ELAVL4: variants seen among roughly 807,000 people sequenced by gnomAD.
ELAVL4 encodes the protein ELAV like RNA binding protein 4, also known as ELAV-like protein 4.
In ELAVL4, 1 loss-of-function variant was observed where a neutral mutation model predicts 35.6. The ratio of observed to expected loss-of-function variants is 0.03; its 90% CI spans 0.01 to 0.13. The LOEUF (loss-of-function observed/expected upper bound fraction) is 0.13, where lower values mean the gene tolerates loss of function less well. Ranked by LOEUF, ELAVL4 falls within the 10% of genes least tolerant of loss-of-function variation. The pLI is 1.00. For missense variants in ELAVL4, 267 were observed against 464.9 expected (o/e 0.57, Z 3.91); for synonymous variants, 156 against 171.0 (o/e 0.91, Z 0.69).
At chr1:50,085,204 T>C (rs1286699880) in intron 1 of ELAVL4, among the ~76,000 whole-genome samples, 1 of 152,236 alleles carries the variant, frequency 6.6e-6, no homozygotes, top group African/African-American at 2.4e-5. Context: ...ACTTAAACCA[T>C]GCCTGCACAC....
At chr1:50,172,701 A>G (rs758694703) in intron 2 of ELAVL4, among the ~76,000 whole-genome samples, 2 of 152,226 alleles carry the variant, frequency 1.3e-5, no homozygotes, top group African/African-American at 2.4e-5. Flanking sequence ...GATCCAGACT[A>G]TGATCTAGCT....
chr1:50,129,140 G>C (rs1572303763), intron 1 of ELAVL4, among the ~76,000 whole-genome samples: 1 of 151,928 alleles, frequency 6.6e-6, no homozygotes, highest in Non-Finnish European at 1.5e-5. Context: ...GTTTTGTAAG[G>C]GCTTTGTAAG....
chr1:50,076,825 G>A (rs572766339), intron 1 of ELAVL4, among the ~76,000 whole-genome samples: 1 of 152,112 alleles, frequency 6.6e-6, no homozygotes, highest in Non-Finnish European at 1.5e-5. Context: ...TGCTTGATAA[G>A]CATTTATTGA....
intron 1 of ELAVL4, among the ~76,000 whole-genome samples, chr1:50,078,645 G>T (rs373242147): frequency 6.6e-6 from 1 of 152,134 alleles, no homozygotes; most frequent in African/African-American, 2.4e-5. Context: ...CATTCAGTTC[G>T]TCCTACTGTC....
At chr1:50,150,470 T>C (rs925615779) in intron 2 of ELAVL4, among the ~76,000 whole-genome samples, 1 of 152,188 alleles carries the variant, frequency 6.6e-6, no homozygotes, top group Non-Finnish European at 1.5e-5. Context: ...CTTGTGTTCT[T>C]TCTTGAATTT....
intron 1 of ELAVL4, chr1:50,109,845 G>A (rs966407558): frequency 3.3e-6 from 5 of 1,523,802 alleles, no homozygotes; most frequent in Non-Finnish European, 4.5e-6. Flanking sequence ...TTCCTTCTCT[G>A]GGCAGCAGCT....
In ELAVL4 at chr1:50,072,322, A is replaced by C. The variant is rs538230663; in HGVS notation, c.18+24140A>C. On this transcript the variant is annotated intron_variant, in intron 1 of 6. Coordinates refer to the ELAVL4 transcript ENST00000448907. ...CTTGTGAAGGAGACACTGTGGCCAA[A>C]AACTAGGAGCAAGAGAAACTGTAGG... Among the ~76,000 whole-genome samples, 6 of 152,324 alleles carry C rather than the reference A, an allele frequency of 3.9e-5. No individual in the cohort carries two copies. In the East Asian group the frequency reaches 9.7e-4, roughly 25 times the overall value.
chr1:50,069,861 A>G (rs1664432290), intron 1 of ELAVL4, among the ~76,000 whole-genome samples: 3 of 152,178 alleles, frequency 2.0e-5, no homozygotes, highest in African/African-American at 7.2e-5. Context: ...TGTGCTTACC[A>G]ACTCACAAGG....
At chr1:50,162,776 G>T (rs1356675046) in intron 2 of ELAVL4, among the ~76,000 whole-genome samples, 1 of 152,138 alleles carries the variant, frequency 6.6e-6, no homozygotes, top group African/African-American at 2.4e-5. Flanking sequence ...TAGAGACAGG[G>T]TTTTGCTATG....
chr1:50,058,289 G>A (rs1352933646), intron 1 of ELAVL4, among the ~76,000 whole-genome samples: 1 of 152,122 alleles, frequency 6.6e-6, no homozygotes, highest in African/African-American at 2.4e-5. Flanking sequence ...AACCAGTACT[G>A]TAAACACTGT....
chr1:50,178,032 G>A (rs1336007748), intron 3 of ELAVL4, among the ~76,000 whole-genome samples: 2 of 152,194 alleles, frequency 1.3e-5, no homozygotes, highest in Admixed American at 6.5e-5. Flanking sequence ...TGCCTTGGGG[G>A]ATTCCCTTGG....
At chr1:50,053,657 T>C (rs781010002) in intron 1 of ELAVL4, among the ~76,000 whole-genome samples, 10 of 152,172 alleles carry the variant, frequency 6.6e-5, no homozygotes, top group Non-Finnish European at 1.2e-4. Context: ...TCAGTGAATG[T>C]TTATTGAGTG....
chr1:50,147,575 G>T (rs992825499), intron 2 of ELAVL4, among the ~76,000 whole-genome samples: 1 of 152,162 alleles, frequency 6.6e-6, no homozygotes, highest in African/African-American at 2.4e-5. Context: ...CACAATGCAG[G>T]CTGGAAGAGG....
intron 1 of ELAVL4, among the ~76,000 whole-genome samples, chr1:50,117,148 G>T (rs923837447): frequency 2.6e-5 from 4 of 152,198 alleles, no homozygotes; most frequent in African/African-American, 4.8e-5. Context: ...GACTTTGGGG[G>T]AGGATAACTT....
chr1:50,118,124 G>A (rs1156280047), intron 1 of ELAVL4, among the ~76,000 whole-genome samples: 2 of 152,090 alleles, frequency 1.3e-5, no homozygotes, highest in African/African-American at 4.8e-5. Context: ...GAGCTTAATT[G>A]ATATGGTCCC....
intron 1 of ELAVL4, among the ~76,000 whole-genome samples, chr1:50,113,299 A>G (rs1667393315): frequency 6.6e-6 from 1 of 151,986 alleles, no homozygotes; most frequent in Non-Finnish European, 1.5e-5. Flanking sequence ...ATGTAGGCCA[A>G]ATACTATTTC....
At chr1:50,123,435 G>A (rs1669354952) in intron 1 of ELAVL4, among the ~76,000 whole-genome samples, 1 of 151,954 alleles carries the variant, frequency 6.6e-6, no homozygotes, top group African/African-American at 2.4e-5. Flanking sequence ...AAATACCTGT[G>A]ATCTACTCAG....
chr1:50,099,098 T>C (rs1214801794), upstream of ELAVL4, among the ~76,000 whole-genome samples: 2 of 152,218 alleles, frequency 1.3e-5, no homozygotes, highest in Non-Finnish European at 2.9e-5. Flanking sequence ...ACCAAATAAT[T>C]ATATCCTAAG....
chr1:50,103,853 C>G, upstream of ELAVL4: 1 of 1,537,998 alleles, frequency 6.5e-7, no homozygotes, highest in Non-Finnish European at 8.8e-7. Flanking sequence ...ACAGCCGGAA[C>G]AGGAGGAAAA....
Sources: allele counts gnomAD v4.1 joint callset (sites outside exome capture counted in the v4.1 genomes callset), GRCh38; gene constraint gnomAD v4.1.1; transcripts MANE v1.5; gene names NCBI Gene and HGNC (gene_info 2026-07-23, HGNC 2026-07-21).